Variants in TLL2 observed in about 807,000 individuals in gnomAD.
TLL2 encodes tolloid like 2, also known as tolloid-like protein 2.
In TLL2, 106 loss-of-function variants were observed where a neutral mutation model predicts 123.0. The ratio of observed to expected loss-of-function variants is 0.86; its 90% CI spans 0.74 to 1.01. The LOEUF is 1.01. Among genes scored for constraint, TLL2 ranks in the 50% least tolerant of loss-of-function variants. The pLI, the probability that TLL2 is intolerant of heterozygous loss-of-function variation, is 0.00. For missense variants in TLL2, 1,332 were observed against 1,336.7 expected (o/e 1.00, Z 0.06); for synonymous variants, 494 against 516.8 (o/e 0.96, Z 0.60).
chr10:96,473,951 C>A (rs543632184), intron 2 of TLL2, among the ~76,000 whole-genome samples: 1 of 152,244 alleles, frequency 6.6e-6, no homozygotes, highest in South Asian at 2.1e-4. Context: ...TTCAGCCACT[C>A]TCGTATCGAA....
chr10:96,494,002 G>A (rs1170219850), intron 1 of TLL2, among the ~76,000 whole-genome samples: 8 of 152,208 alleles, frequency 5.3e-5, no homozygotes, highest in Non-Finnish European at 1.2e-4. Context: ...TCGGTTCACT[G>A]CCCTGCACAG....
At position 96,368,083 on chromosome 10, in the gene TLL2, C is replaced by A; in HGVS notation, c.*5G>T. 1.2e-6 allele frequency: 2 copies of A among 1,613,792 alleles called. No homozygotes were observed. The highest frequency in any genetic ancestry group is 1.7e-6 in the Non-Finnish European group (2 of 1,179,928). ...CTCAGTTTCTGTCTTTCAAGAACAT[C>A]AGCACTATTTCTTCATGTGCAGGGC... On this transcript the variant is annotated 3_prime_UTR_variant, in exon 21 of 21. Transcript: ENST00000357947.
intron 2 of TLL2, among the ~76,000 whole-genome samples, chr10:96,456,556 C>A (rs961534626): frequency 6.6e-6 from 1 of 152,198 alleles, no homozygotes; most frequent in Non-Finnish European, 1.5e-5. Flanking sequence ...ACCTCTCAGC[C>A]GCCAAACCAG....
At chr10:96,458,171 G>A (rs375267886) in intron 2 of TLL2, among the ~76,000 whole-genome samples, 14 of 152,062 alleles carry the variant, frequency 9.2e-5, no homozygotes, top group African/African-American at 3.4e-4. Flanking sequence ...GTGTGGAGAC[G>A]GGGAGGAGAG....
rs772512404 is a variant in TLL2, at chr10:96,387,034, G to A, written c.1771C>T (p.Arg591Cys). 46 of 1,613,868 alleles carry A rather than the reference G, an allele frequency of 2.9e-5. No individual in the cohort carries two copies. The highest frequency in any genetic ancestry group is 1.1e-4 in the South Asian group (10 of 91,074). ...SWPDHGGCEH[R>C]CVNTLGSYKC... is the part of the protein sequence containing the mutation. ...TAGCTGCCCAGCGTGTTCACACAGC[G>A]ATGCTCGCACCCGCCGTGATCTGGC... The change falls in exon 14 of 21, where the codon CGC (arginine) becomes TGC (cysteine). Residue 591 changes from arginine to cysteine, a missense_variant. Physicochemically the swap from Arg to Cys is radical, Grantham distance 180. Transcript: ENST00000357947.
At chr10:96,392,505 C>T (rs1846299093) in intron 13 of TLL2, among the ~76,000 whole-genome samples, 1 of 151,232 alleles carries the variant, frequency 6.6e-6, no homozygotes, top group African/African-American at 2.4e-5. Context: ...TTAGCTGGTA[C>T]TCTCAAAATT....
intron 16 of TLL2, among the ~76,000 whole-genome samples, chr10:96,379,345 C>T (rs1412180314): frequency 1.3e-5 from 2 of 152,196 alleles, no homozygotes; most frequent in East Asian, 3.8e-4. Flanking sequence ...CTGCTCCCTG[C>T]TCAAAACAAG....
At position 96,365,662 on chromosome 10, in the gene TLL2, C is replaced by G. The variant is rs997215033; in HGVS notation, c.*2426G>C. ...CACCAAGGCAGAGGCCTGGGACTTT[C>G]TGCTGAATGGACTCTCTCTAGTGAA... On this transcript the variant is annotated 3_prime_UTR_variant, in exon 21 of 21. Coordinates refer to ENST00000357947, the MANE Select transcript of TLL2 (RefSeq NM_012465.4). The G allele has an allele frequency of 1.3e-5, 2 of 152,282 alleles. No individual in the cohort carries two copies. Among genetic ancestry groups the G allele is most frequent in the African/African-American group, 4.8e-5 (2 of 41,484 alleles). 9.4% of individuals were successfully genotyped at this position (152,282 alleles called of 1,614,324 possible).
intron 6 of TLL2, among the ~76,000 whole-genome samples, chr10:96,421,551 C>T (rs570239411): frequency 3.3e-5 from 5 of 152,040 alleles, no homozygotes; most frequent in African/African-American, 1.2e-4. Context: ...GTAGTCCCTG[C>T]TACTTGGGAG....
At chr10:96,378,106 C>T (rs1846154020) in intron 17 of TLL2, among the ~76,000 whole-genome samples, 2 of 152,396 alleles carry the variant, frequency 1.3e-5, no homozygotes, top group East Asian at 1.9e-4. Context: ...AGGGTGGCCA[C>T]CTCCTCCTGA....
At chr10:96,439,789 A>C (rs1846833452) in intron 3 of TLL2, among the ~76,000 whole-genome samples, 1 of 152,178 alleles carries the variant, frequency 6.6e-6, no homozygotes, top group Admixed American at 6.5e-5. Flanking sequence ...GAATTTCTAG[A>C]ACAGAAGTCA....
chr10:96,513,821 CGCGGAGCAA>C lies in TLL2; in HGVS notation c.-145_-137del. 1.0e-6 allele frequency: 1 copy of C among 961,790 alleles called. No individual in the cohort carries two copies. The highest frequency in any genetic ancestry group is 2.4e-5 in the South Asian group (1 of 41,364). The allele number at this position is 961,790 out of a possible 1,614,324, so 59.6% of individuals were successfully genotyped here. On this transcript the variant is annotated 5_prime_UTR_variant, in exon 1 of 21. Transcript: ENST00000357947. ...ACAGGGCTGCTGGGCATGGCTCAGG[CGCGGAGCAA>C]GCGGAGCGCGGCGCCCCCTGTCTTC...
Position 96,421,059 on chromosome 10 carries a change from G to A in TLL2, c.820C>T (p.Gln274Ter). 1 of 1,612,832 alleles carries A rather than the reference G, an allele frequency of 6.2e-7. No homozygotes were observed. Among genetic ancestry groups the A allele is most frequent in the East Asian group, 2.2e-5 (1 of 44,866 alleles). ...TIIRENIQPG[Q>*]EYNFLKMEAG... ...TCCATTTTTAAGAAATTATACTCCT[G>A]ACCTGTGACACAACACTGTGTTAAG... The change falls in exon 7 of 21, where the codon CAG (glutamine) becomes TAG (stop). Residue 274 changes from glutamine (Q) to a stop codon, truncating the protein, a stop_gained and splice_region_variant. Transcript: ENST00000357947. LOFTEE classifies it high-confidence loss of function.
intron 1 of TLL2, among the ~76,000 whole-genome samples, chr10:96,508,475 A>G (rs557713634): frequency 6.6e-6 from 1 of 152,348 alleles, no homozygotes; most frequent in South Asian, 2.1e-4. Flanking sequence ...CCATAAGACA[A>G]GAGGGACCAC....
At chr10:96,390,132 G>T (rs1417791792) in intron 13 of TLL2, among the ~76,000 whole-genome samples, 2 of 152,268 alleles carry the variant, frequency 1.3e-5, no homozygotes, top group African/African-American at 2.4e-5. Context: ...AGGAGCTCTG[G>T]AGTCTTCTCA....
Position 96,370,040 on chromosome 10 carries a change from C to T in TLL2, c.2913+25G>A, listed in dbSNP as rs775925670. On this transcript the variant is annotated intron_variant, in intron 20 of 20. Coordinates refer to ENST00000357947, the MANE Select transcript of TLL2 (RefSeq NM_012465.4). ...TGCTGTGAATCATCACACTCTGCCCCGGCCCCAGCGTCTCCGGGACTTACC... is the reference window on the plus strand; with the variant it reads ...TGCTGTGAATCATCACACTCTGCCCTGGCCCCAGCGTCTCCGGGACTTACC... 5 of 1,543,480 alleles carry T rather than the reference C, an allele frequency of 3.2e-6. No homozygotes were observed. The South Asian group carries it at 3.7e-5, about 11-fold the overall frequency.
chr10:96,378,299 T>C (rs1846155290), intron 17 of TLL2, among the ~76,000 whole-genome samples: 1 of 152,232 alleles, frequency 6.6e-6, no homozygotes, highest in Non-Finnish European at 1.5e-5. Context: ...TGGAAGCCTG[T>C]GTGTTTGTCA....
Position 96,366,874 on chromosome 10 carries a change from A to G in TLL2, c.*1214T>C, listed in dbSNP as rs963844462. ...ATGCCTTAATGAAATGCCATTCAAA[A>G]CTACCTCACTGTTTAAATTATACCT... On this transcript the variant is annotated 3_prime_UTR_variant, in exon 21 of 21. Transcript: ENST00000357947. The G allele has an allele frequency of 1.8e-4, 27 of 152,808 alleles. No homozygotes were observed. Among genetic ancestry groups the G allele is most frequent in the African/African-American group, 6.5e-4 (27 of 41,588 alleles). 9.5% of individuals were successfully genotyped at this position (152,808 alleles called of 1,614,324 possible).
chr10:96,456,099 G>A (rs892526299), intron 2 of TLL2, among the ~76,000 whole-genome samples: 5 of 152,208 alleles, frequency 3.3e-5, no homozygotes, highest in African/African-American at 1.2e-4. Context: ...GTGAGGATTA[G>A]GTAGTAAGAA....
Sources: allele counts gnomAD v4.1 joint callset (sites outside exome capture counted in the v4.1 genomes callset), GRCh38; gene constraint gnomAD v4.1.1; transcripts MANE v1.5; gene names NCBI Gene and HGNC (gene_info 2026-07-23, HGNC 2026-07-21).